L3MBTL3: variants seen among roughly 807,000 people sequenced by gnomAD.
The protein encoded by L3MBTL3 is lethal(3)malignant brain tumor-like protein 3.
In L3MBTL3, 27 loss-of-function variants were observed where a neutral mutation model predicts 102.3. The ratio of observed to expected loss-of-function variants is 0.26; its 90% CI spans 0.19 to 0.36. The LOEUF (loss-of-function observed/expected upper bound fraction) is 0.36, where lower values mean the gene tolerates loss of function less well. L3MBTL3 is among the 10% of genes least tolerant of loss of function. L3MBTL3 has a pLI of 1.00. For missense variants in L3MBTL3, 798 were observed against 955.3 expected, an observed-to-expected ratio of 0.84 and a Z score of 2.17; for synonymous variants, 340 against 320.9, an observed-to-expected ratio of 1.06 and a Z score of -0.64.
chr6:130,104,628 A>AT (rs1160657259), intron 19 of L3MBTL3, 53 bp downstream of exon 19: 7 of 1,289,758 alleles, frequency 5.4e-6, no homozygotes, highest in African/African-American at 4.6e-5. Context: ...ATTTAAAGAG[A>AT]TTTTTTATCT....
chr6:130,113,615 A>G (rs1785482096), intron 19 of L3MBTL3, among the ~76,000 whole-genome samples: 1 of 152,232 alleles, frequency 6.6e-6, no homozygotes, highest in African/African-American at 2.4e-5. Flanking sequence ...CCACTGCTTA[A>G]CTGGTCTAAT....
chr6:130,049,882 C>A (rs773672178), intron 5 of L3MBTL3, 52 bp downstream of exon 5: 2 of 1,560,718 alleles, frequency 1.3e-6, no homozygotes, highest in Non-Finnish European at 1.7e-6. Flanking sequence ...ATTTCTTTCT[C>A]CCCTCCCCAC....
intron 1 of L3MBTL3, chr6:130,019,239 T>A (rs1360141239): frequency 7.6e-6 from 1 of 131,054 alleles, no homozygotes; most frequent in Non-Finnish European, 1.6e-5. Context: ...TCCACCGGGG[T>A]GCGTGTCCGG....
chr6:130,084,181 A>T (rs1202988052), intron 15 of L3MBTL3, among the ~76,000 whole-genome samples: 1 of 152,142 alleles, frequency 6.6e-6, no homozygotes, highest in Non-Finnish European at 1.5e-5. Flanking sequence ...TTATTACAGT[A>T]TCTTTCTAAC....
At chr6:130,113,832 A>G (rs1785494300) in intron 19 of L3MBTL3, among the ~76,000 whole-genome samples, 1 of 152,226 alleles carries the variant, frequency 6.6e-6, no homozygotes, top group African/African-American at 2.4e-5. Flanking sequence ...AAAGCAAGCT[A>G]ACATAAAGTA....
rs1358038839 is a variant in L3MBTL3 at position 130,133,797 on chromosome 6, TCTGA to T, written c.2137-42_2137-39del. 5.2e-6 allele frequency: 8 copies of T among 1,543,706 alleles called. No individual in the cohort carries two copies. Among genetic ancestry groups the T allele is most frequent in the Non-Finnish European group, 7.2e-6 (8 of 1,116,438 alleles). Reference sequence around the variant, plus strand: ...TGTTTTGAACCTGTAGCATTTAGATTCTGACTGTGTTTTTTAACTGGGAATTTTG... The same window carrying T: ...TGTTTTGAACCTGTAGCATTTAGATTCTGTGTTTTTTAACTGGGAATTTTG... On this transcript the variant is annotated intron_variant, in intron 21 of 22. Transcript: ENST00000361794. This position sits in a 1 kb window ranked among gnomAD's most constrained non-coding sequence, Gnocchi z 4.9.
intron 16 of L3MBTL3, among the ~76,000 whole-genome samples, chr6:130,088,038 C>T (rs1169192785): frequency 6.6e-6 from 1 of 151,950 alleles, no homozygotes; most frequent in African/African-American, 2.4e-5. Context: ...ATTTTTGGCC[C>T]AGAGAGGTCA....
Position 130,141,221 on chromosome 6 carries a change from G to C in L3MBTL3, c.*1468G>C, listed in dbSNP as rs1788248538. Reference sequence around the variant, plus strand: ...TTTTTTATGATGTAGGACTTCCTTTGATATCCCTGTTGGAAGTCCATTAGC... The same window carrying C: ...TTTTTTATGATGTAGGACTTCCTTTCATATCCCTGTTGGAAGTCCATTAGC... On this transcript the variant is annotated 3_prime_UTR_variant, in exon 23 of 23. Coordinates refer to ENST00000361794, the MANE Select transcript of L3MBTL3 (RefSeq NM_032438.4). 1 of 152,146 alleles carries C rather than the reference G, an allele frequency of 6.6e-6. No homozygotes were observed. Among genetic ancestry groups the C allele is most frequent in the Non-Finnish European group, 1.5e-5 (1 of 68,018 alleles). 9.4% of individuals were successfully genotyped at this position (152,146 alleles called of 1,614,324 possible). A position where few individuals can be genotyped will look rare whatever the true frequency, so the allele number is the denominator to read the frequency against.
At chr6:130,019,138 T>C (rs1464788357) in intron 1 of L3MBTL3, among the ~76,000 whole-genome samples, 1 of 150,966 alleles carries the variant, frequency 6.6e-6, no homozygotes, top group Non-Finnish European at 1.5e-5. Flanking sequence ...GCGGGATGCG[T>C]GTGGCCCCCT....
chr6:130,130,228 C>T (rs554978047), intron 20 of L3MBTL3, among the ~76,000 whole-genome samples: 6 of 152,054 alleles, frequency 3.9e-5, no homozygotes, highest in Non-Finnish European at 4.4e-5. Flanking sequence ...GAACAATGTG[C>T]GGAACATTAG....
intron 2 of L3MBTL3, among the ~76,000 whole-genome samples, chr6:130,035,185 CA>C (rs1253824911): frequency 6.6e-6 from 1 of 152,180 alleles, no homozygotes; most frequent in African/African-American, 2.4e-5. Context: ...TCAACAGATA[CA>C]AAAAAGTATA....
At chr6:130,080,519 T>C (rs757980160) in intron 14 of L3MBTL3, among the ~76,000 whole-genome samples, 12 of 152,182 alleles carry the variant, frequency 7.9e-5, no homozygotes, top group Non-Finnish European at 1.8e-4. Flanking sequence ...TCTGATTAAT[T>C]AACAATGAAC....
chr6:130,127,511 C>T (rs1786691166), intron 20 of L3MBTL3, among the ~76,000 whole-genome samples: 1 of 152,172 alleles, frequency 6.6e-6, no homozygotes, highest in African/African-American at 2.4e-5. Flanking sequence ...TGATACAGTA[C>T]AGTGCTGAAT....
At chr6:130,065,625 G>A (rs1782196767) in intron 10 of L3MBTL3, among the ~76,000 whole-genome samples, 1 of 152,296 alleles carries the variant, frequency 6.6e-6, no homozygotes, top group South Asian at 2.1e-4. Context: ...GGCGTGATAC[G>A]TGTTTCTACT....
Position 130,133,707 on chromosome 6 carries a change from A to G in L3MBTL3, c.2136+86A>G. ...GGAACATTGAGCGTAGGTAGCGTTT[A>G]GTCTTTTTTTTTCTGAAAGAGAAGA... is the stretch of plus-strand genomic sequence containing the variant. On this transcript the variant is annotated intron_variant, in intron 21 of 22. Transcript: ENST00000361794. This position sits in a 1 kb window ranked among gnomAD's most constrained non-coding sequence, Gnocchi z 4.9. 6.5e-7 allele frequency: 1 copy of G among 1,536,872 alleles called. No individual in the cohort carries two copies. The highest frequency in any genetic ancestry group is 1.7e-4 in the Middle Eastern group (1 of 5,834).
At chr6:130,085,996 G>T (rs909069451) in intron 15 of L3MBTL3, 144 bp from the exon 16 acceptor site, 1 of 563,436 alleles carries the variant, frequency 1.8e-6, no homozygotes, top group South Asian at 1.7e-5. Context: ...CAAGTGATCC[G>T]CCCGCCTCAG....
chr6:130,139,970 T>C lies in L3MBTL3; in HGVS notation c.*217T>C. On this transcript the variant is annotated 3_prime_UTR_variant, in exon 23 of 23. Coordinates refer to ENST00000361794, the MANE Select transcript of L3MBTL3 (RefSeq NM_032438.4). ...CTGTCTAACAACAGTCATCTTTTGG[T>C]TCTGTTCACTGAGCTAAATTTATCT... is the stretch of plus-strand genomic sequence containing the variant. The C allele has an allele frequency of 3.8e-6, 1 of 263,120 alleles. No homozygotes were observed. The highest frequency in any genetic ancestry group is 7.1e-6 in the Non-Finnish European group (1 of 140,870). The allele number at this position is 263,120 out of a possible 1,614,324, so 16.3% of individuals were successfully genotyped here. A position where few individuals can be genotyped will look rare whatever the true frequency, so the allele number is the denominator to read the frequency against.
Position 130,133,372 on chromosome 6 carries a change from C to T in L3MBTL3, c.1967-80C>T, listed in dbSNP as rs542915337. ...CTTTAACCACTCCCACCTCCAGTCT[C>T]GTTATCTGGGAGATGCACGGCATTT... On this transcript the variant is annotated intron_variant, in intron 20 of 22. Coordinates refer to ENST00000361794, the MANE Select transcript of L3MBTL3 (RefSeq NM_032438.4). This position sits in a 1 kb window ranked among gnomAD's most constrained non-coding sequence, Gnocchi z 4.9. The T allele has an allele frequency of 7.3e-6, 10 of 1,374,868 alleles. No individual in the cohort carries two copies. Among genetic ancestry groups the T allele is most frequent in the Admixed American group, 1.8e-5 (1 of 56,230 alleles). The allele number at this position is 1,374,868 out of a possible 1,614,324, so 85.2% of individuals were successfully genotyped here.
chr6:130,115,043 A>T (rs937654763), intron 19 of L3MBTL3, among the ~76,000 whole-genome samples: 1 of 152,046 alleles, frequency 6.6e-6, no homozygotes, highest in African/African-American at 2.4e-5. Context: ...GAAACTTAAA[A>T]AAAAAAAAAA....
Sources: gnomAD v4.1 joint callset for allele counts (sites outside exome capture counted in the v4.1 genomes callset) on GRCh38, gnomAD v4.1.1 for gene constraint, Gnocchi (gnomAD v3.1) non-coding constraint, MANE v1.5 for transcripts, NCBI Gene and HGNC (gene_info 2026-07-23, HGNC 2026-07-21) for gene names.